Variants in CNIH4 observed in about 807,000 individuals in gnomAD.
CNIH4 encodes cornichon family member 4, also known as protein cornichon homolog 4.
In CNIH4, 9 loss-of-function variants were observed where a neutral mutation model predicts 21.5. The ratio of observed to expected loss-of-function variants is 0.42; its 90% CI spans 0.25 to 0.73. The LOEUF (loss-of-function observed/expected upper bound fraction) is 0.73. Among genes scored for constraint, CNIH4 ranks in the 30% least tolerant of loss-of-function variants. The pLI is 0.27. For missense variants in CNIH4, 159 were observed against 170.0 expected, an observed-to-expected ratio of 0.94 and a Z score of 0.36; for synonymous variants, 67 against 59.1, an observed-to-expected ratio of 1.13 and a Z score of -0.61.
intron 2 of CNIH4, among the ~76,000 whole-genome samples, chr1:224,363,774 G>A (rs563543674): frequency 6.6e-6 from 1 of 152,128 alleles, no homozygotes; most frequent in South Asian, 2.1e-4. Flanking sequence ...CATATTTAAG[G>A]GTAAAGCACT....
At position 224,369,943 on chromosome 1, in the gene CNIH4, G is replaced by T. The variant is rs1672576413; in HGVS notation, c.252-1340G>T. 2.0e-5 allele frequency among the ~76,000 whole-genome samples: 3 copies of T among 152,010 alleles called. No individual in the cohort carries two copies. In the South Asian group the frequency reaches 6.2e-4, roughly 32 times the overall value. ...CCCGCCTCGGCCTCCTGGAGTGCTG[G>T]GATTACAGGTGTGAGCCACTGTGCC... On this transcript the variant is annotated intron_variant, in intron 3 of 4. Coordinates refer to ENST00000465271, the MANE Select transcript of CNIH4 (RefSeq NM_014184.4).
chr1:224,363,775 G>A (rs530901938), intron 2 of CNIH4, among the ~76,000 whole-genome samples: 3 of 152,104 alleles, frequency 2.0e-5, no homozygotes, highest in Non-Finnish European at 4.4e-5. Context: ...ATATTTAAGG[G>A]TAAAGCACTA....
intron 2 of CNIH4, 144 bp downstream of exon 2, chr1:224,360,707 T>G: frequency 2.3e-6 from 1 of 436,064 alleles, no homozygotes; most frequent in African/African-American, 2.0e-5. Context: ...CTGCTGTGTT[T>G]TACAATATTT....
In CNIH4 at chr1:224,379,184, A is replaced by T; in HGVS notation, c.*3362A>T. 1 of 1,318,330 alleles carries T rather than the reference A, an allele frequency of 7.6e-7. No individual in the cohort carries two copies. Among genetic ancestry groups the T allele is most frequent in the East Asian group, 2.5e-5 (1 of 39,856 alleles). 81.7% of individuals were successfully genotyped at this position (1,318,330 alleles called of 1,614,324 possible). A position where few individuals can be genotyped will look rare whatever the true frequency, so the allele number is the denominator to read the frequency against. ...AGCAGGTCCCCTCAGCTGCCTTTTC[A>T]TGCCTGCCACAGACTACAGTAGGAC... On this transcript the variant is annotated 3_prime_UTR_variant, in exon 5 of 5. Transcript: ENST00000465271.
At chr1:224,371,575 T>G in intron 4 of CNIH4, 152 bp downstream of exon 4, 1 of 748,754 alleles carries the variant, frequency 1.3e-6, no homozygotes, top group Non-Finnish European at 2.2e-6. Context: ...TGTATGTCAT[T>G]GAATCAGCTT....
At chr1:224,357,180 C>T (rs1572114402) in intron 1 of CNIH4, 187 bp downstream of exon 1, 3 of 617,538 alleles carry the variant, frequency 4.9e-6, no homozygotes, top group East Asian at 5.7e-5. Context: ...GCTGCCCTAC[C>T]CGACGGGCCC....
intron 1 of CNIH4, among the ~76,000 whole-genome samples, chr1:224,357,991 A>C (rs1428628525): frequency 1.3e-5 from 2 of 152,132 alleles, no homozygotes; most frequent in Non-Finnish European, 2.9e-5. Context: ...AATCACATGT[A>C]CCTGTTTCTG....
At chr1:224,357,068 G>A in intron 1 of CNIH4, 75 bp downstream of exon 1, 2 of 1,531,440 alleles carry the variant, frequency 1.3e-6, no homozygotes, top group South Asian at 1.2e-5. Flanking sequence ...CACCCGGGCA[G>A]GTGTGTGGGA....
At chr1:224,363,795 T>C (rs540577129) in intron 2 of CNIH4, among the ~76,000 whole-genome samples, 2 of 152,232 alleles carry the variant, frequency 1.3e-5, no homozygotes, top group East Asian at 3.8e-4. Context: ...AAAATGCTCA[T>C]TGAAAGCTCT....
At chr1:224,360,385 A>AGTT in intron 1 of CNIH4, 110 bp from the exon 2 acceptor site, 1 of 539,914 alleles carries the variant, frequency 1.9e-6, no homozygotes, top group South Asian at 3.3e-5. Flanking sequence ...GAAACAACTC[A>AGTT]TTTTTTTCAA....
chr1:224,358,134 C>A (rs976647347), intron 1 of CNIH4, among the ~76,000 whole-genome samples: 1 of 152,208 alleles, frequency 6.6e-6, no homozygotes, highest in African/African-American at 2.4e-5. Context: ...AATTTGGAAT[C>A]AGATTTCCTG....
At position 224,365,969 on chromosome 1, in the gene CNIH4, G is replaced by T; in HGVS notation, c.229G>T (p.Val77Phe). The T allele has an allele frequency of 1.2e-6, 2 of 1,600,020 alleles. No homozygotes were observed. The highest frequency in any genetic ancestry group is 1.7e-6 in the Non-Finnish European group (2 of 1,167,220). The change falls in exon 3 of 5, where the codon GTT (valine) becomes TTT (phenylalanine). Residue 77 changes from valine to phenylalanine, a missense_variant. Transcript: ENST00000465271. The part of the protein sequence containing the change: ...HWFIFLLNLP[V>F]ATWNIYRYIM... Reference sequence around the variant, plus strand: ...GTTCATCTTCCTTCTCAACTTACCTGTTGCCACTTGGAATATATATCGGTG... The same window carrying T: ...GTTCATCTTCCTTCTCAACTTACCTTTTGCCACTTGGAATATATATCGGTG...
intron 2 of CNIH4, chr1:224,364,445 A>G: frequency 1.1e-6 from 1 of 902,758 alleles, no homozygotes; most frequent in Non-Finnish European, 1.3e-6. Flanking sequence ...TCTCTACAAC[A>G]ACTTCGTGAG....
At chr1:224,371,899 G>A (rs1206600576) in intron 4 of CNIH4, among the ~76,000 whole-genome samples, 1 of 152,282 alleles carries the variant, frequency 6.6e-6, no homozygotes, top group East Asian at 1.9e-4. Context: ...CCAGGATCGC[G>A]CCATTGCACT....
intron 4 of CNIH4, among the ~76,000 whole-genome samples, chr1:224,373,243 G>A (rs1459222031): frequency 1.3e-5 from 2 of 152,102 alleles, no homozygotes; most frequent in Admixed American, 6.5e-5. Context: ...TAATACTTTT[G>A]TATCTTTACT....
rs1672854090 is a variant in CNIH4 at position 224,379,177 on chromosome 1, C to A, written c.*3355C>A. 5 of 1,340,374 alleles carry A rather than the reference C, an allele frequency of 3.7e-6. No homozygotes were observed. The Admixed American group carries it at 5.9e-5, about 16-fold the overall frequency. The allele number at this position is 1,340,374 out of a possible 1,614,324, so 83.0% of individuals were successfully genotyped here. On this transcript the variant is annotated 3_prime_UTR_variant, in exon 5 of 5. Transcript: ENST00000465271. ...AAAGCCTAGCAGGTCCCCTCAGCTG[C>A]CTTTTCATGCCTGCCACAGACTACA...
rs55922745 is a variant in CNIH4, at chr1:224,360,288, A to T, written c.70-207A>T. ...AAATGTTCTGGTTGGGTCAGATTAG[A>T]TTTGAGCAAAATAGGATTATTTTGT... On this transcript the variant is annotated intron_variant, in intron 1 of 4. Transcript: ENST00000465271. 2.0e-5 allele frequency among the ~76,000 whole-genome samples: 3 copies of T among 151,920 alleles called. No individual in the cohort carries two copies. The East Asian group carries it at 5.8e-4, about 29-fold the overall frequency.
At chr1:224,371,967 A>G (rs1352756314) in intron 4 of CNIH4, among the ~76,000 whole-genome samples, 5 of 152,134 alleles carry the variant, frequency 3.3e-5, no homozygotes, top group Admixed American at 2.0e-4. Context: ...CCCTAGTAGT[A>G]TACAGCTGTG....
At chr1:224,367,371 A>T (rs916977476) in intron 3 of CNIH4, among the ~76,000 whole-genome samples, 2 of 152,064 alleles carry the variant, frequency 1.3e-5, no homozygotes, top group African/African-American at 2.4e-5. Context: ...AGGAGTGGAT[A>T]TGGGGGAATG....
Sources: allele counts gnomAD v4.1 joint callset (sites outside exome capture counted in the v4.1 genomes callset), GRCh38; gene constraint gnomAD v4.1.1; transcripts MANE v1.5; gene names NCBI Gene and HGNC (gene_info 2026-07-23, HGNC 2026-07-21).